Variants in CD55 observed in about 807,000 individuals in gnomAD.
CD55 encodes the protein complement decay-accelerating factor.
A neutral mutation model predicts 45.8 loss-of-function variants in CD55; 41 were observed. The observed-to-expected ratio is 0.90, with a 90% confidence interval of 0.70 to 1.16. The LOEUF (loss-of-function observed/expected upper bound fraction) is 1.16, where lower values mean the gene tolerates loss of function less well. Among genes scored for constraint, CD55 ranks in the 50% most tolerant of loss-of-function variants. CD55 has a pLI of 0.00. For missense variants in CD55, 416 were observed against 469.8 expected (o/e 0.89, Z 1.06); for synonymous variants, 181 against 181.1 (o/e 1.00, Z 0.01).
chr1:207,339,078 A>G (rs1045828671), intron 8 of CD55, among the ~76,000 whole-genome samples: 3 of 152,102 alleles, frequency 2.0e-5, no homozygotes, highest in Admixed American at 6.6e-5. Context: ...TTACTGTTTA[A>G]GTTTTCAAAC....
At chr1:207,351,775 G>A (rs1012067356) in intron 9 of CD55, among the ~76,000 whole-genome samples, 1 of 152,060 alleles carries the variant, frequency 6.6e-6, no homozygotes, top group African/African-American at 2.4e-5. Context: ...ACTCAATGAA[G>A]GTTTGAAATG....
chr1:207,330,895 A>G (rs982223000), intron 5 of CD55, among the ~76,000 whole-genome samples: 3 of 152,198 alleles, frequency 2.0e-5, no homozygotes, highest in African/African-American at 7.2e-5. Context: ...TCTCAAGGTT[A>G]GCATTTGTCT....
At chr1:207,347,474 A>G in intron 9 of CD55, 1 of 327,950 alleles carries the variant, frequency 3.0e-6, no homozygotes, top group Non-Finnish European at 6.1e-6. Flanking sequence ...GTTATCCAGG[A>G]TGGTCTTGAT....
At chr1:207,358,489 A>G (rs1049814622) in intron 9 of CD55, 1 of 152,222 alleles carries the variant, frequency 6.6e-6, no homozygotes, top group African/African-American at 2.4e-5. Context: ...ATTCAATTCA[A>G]TAGTTTTTTT....
At chr1:207,335,369 C>T (rs942608550) in intron 6 of CD55, among the ~76,000 whole-genome samples, 2 of 152,110 alleles carry the variant, frequency 1.3e-5, no homozygotes, top group Non-Finnish European at 2.9e-5. Flanking sequence ...CTTTGCTGGG[C>T]TCTAAGCTAC....
At chr1:207,332,767 T>C (rs1471284917) in intron 6 of CD55, among the ~76,000 whole-genome samples, 1 of 152,108 alleles carries the variant, frequency 6.6e-6, no homozygotes, top group Admixed American at 6.6e-5. Flanking sequence ...AAAATCTCAA[T>C]AGATTACCAA....
intron 9 of CD55, among the ~76,000 whole-genome samples, chr1:207,354,534 T>G (rs548941482): frequency 6.6e-6 from 1 of 152,318 alleles, no homozygotes; most frequent in East Asian, 1.9e-4. Flanking sequence ...AACATTATGT[T>G]ATTTTCCCAC....
At chr1:207,344,149 T>A (rs1024702978) in intron 9 of CD55, among the ~76,000 whole-genome samples, 4 of 152,266 alleles carry the variant, frequency 2.6e-5, no homozygotes, top group African/African-American at 9.6e-5. Flanking sequence ...GAAAGTTTAA[T>A]CTGTTTACAT....
intron 5 of CD55, among the ~76,000 whole-genome samples, chr1:207,330,008 A>G (rs1371850613): frequency 4.8e-5 from 7 of 144,772 alleles, no homozygotes; most frequent in Non-Finnish European, 1.5e-5. Context: ...TGACCCTTGC[A>G]TTTTTTATTG....
In CD55 at chr1:207,326,819, C is replaced by A. The variant is rs764004292; in HGVS notation, c.646C>A (p.Pro216Thr). 6.2e-7 allele frequency: 1 copy of A among 1,613,324 alleles called. No individual in the cohort carries two copies. The highest frequency in any genetic ancestry group is 2.2e-5 in the East Asian group (1 of 44,850). The change falls in exon 5 of 10, where the codon CCG (proline) becomes ACG (threonine). Residue 216 changes from proline to threonine, a missense_variant. Pro to Thr is a conservative substitution (Grantham distance 38). Transcript: ENST00000367064. ...ISGSSVQWSD[P>T]LPECREIYCP... ...AGGCAGCTCTGTCCAGTGGAGTGAC[C>A]CGTTGCCAGAGTGCAGAGGTAAGAG...
Sources: allele counts gnomAD v4.1 joint callset (sites outside exome capture counted in the v4.1 genomes callset), GRCh38; gene constraint gnomAD v4.1.1; transcripts MANE v1.5; gene names NCBI Gene and HGNC (gene_info 2026-07-23, HGNC 2026-07-21).